Variants in NEB observed in about 807,000 individuals in gnomAD.
The protein encoded by NEB is nebulin, also known as nemaline myopathy type 2.
NEB carries 512 observed loss-of-function variants against 952.2 expected under a neutral mutation model. That is an observed-to-expected ratio of 0.54 (90% CI 0.50 to 0.58). The LOEUF (loss-of-function observed/expected upper bound fraction) is 0.58, where lower values mean the gene tolerates loss of function less well. Ranked by LOEUF, NEB falls within the 20% of genes least tolerant of loss-of-function variation. The pLI is 0.00. For synonymous variants in NEB, 2,900 were observed against 3,149.8 expected, an observed-to-expected ratio of 0.92 and a Z score of 2.66; for missense variants, 8,428 against 9,231.1, an observed-to-expected ratio of 0.91 and a Z score of 3.56.
At chr2:151,680,668 G>A in intron 30 of NEB, 62 bp downstream of exon 30, 2 of 1,222,602 alleles carry the variant, frequency 1.6e-6, no homozygotes, top group South Asian at 1.3e-5. Flanking sequence ...CAGTACATTT[G>A]AAATACAAAT....
Position 151,665,177 on chromosome 2 carries a change from G to A in NEB, c.5238+156C>T, listed in dbSNP as rs149194258. ...CTGAGGGGTCACTATGAAAGAGAACGCTCTAAACATAATGGAAGCAATAGA... is the reference window on the plus strand; with the variant it reads ...CTGAGGGGTCACTATGAAAGAGAACACTCTAAACATAATGGAAGCAATAGA... On this transcript the variant is annotated intron_variant, in intron 42 of 181. Transcript: ENST00000397345. Among the ~76,000 whole-genome samples the A allele has an allele frequency of 1.1e-4, 17 of 152,112 alleles. No homozygotes were observed. The East Asian group carries it at 2.1e-3, about 19-fold the overall frequency.
chr2:151,560,776 G>A lies in NEB; in HGVS notation c.19207-77C>T. ...CTTCTGAGTAGCAGGTTTTCCTTCTGTGTCTGTCCTTCTCACACACTCCCT... is the reference window on the plus strand; with the variant it reads ...CTTCTGAGTAGCAGGTTTTCCTTCTATGTCTGTCCTTCTCACACACTCCCT... On this transcript the variant is annotated intron_variant, in intron 123 of 181. Coordinates refer to ENST00000397345, the MANE Select transcript of NEB (RefSeq NM_001164508.2). 4.4e-6 allele frequency: 5 copies of A among 1,138,548 alleles called. No individual in the cohort carries two copies. The South Asian group carries it at 7.1e-5, about 16-fold the overall frequency. 70.5% of individuals were successfully genotyped at this position (1,138,548 alleles called of 1,614,324 possible).
chr2:151,529,680 G>A (rs374534499), intron 145 of NEB, among the ~76,000 whole-genome samples: 7 of 152,110 alleles, frequency 4.6e-5, no homozygotes, highest in African/African-American at 7.2e-5. Flanking sequence ...ACAGGCATGC[G>A]CCACCTCACC....
intron 40 of NEB, 119 bp from the exon 41 acceptor site, chr2:151,666,520 T>A (rs547889698): frequency 1.6e-5 from 15 of 954,152 alleles, no homozygotes; most frequent in Non-Finnish European, 2.1e-5. Context: ...ACATCGAAGT[T>A]TTTTTTTGTA....
intron 173 of NEB, 70 bp downstream of exon 173, chr2:151,496,199 ATTAATAT>A: frequency 7.2e-7 from 1 of 1,383,872 alleles, no homozygotes; most frequent in Non-Finnish European, 1.0e-6. Context: ...AAAAAGTAGG[ATTAATAT>A]GTATTATTTT....
chr2:151,662,482 G>T, intron 45 of NEB, 141 bp from the exon 46 acceptor site: 3 of 641,956 alleles, frequency 4.7e-6, no homozygotes, highest in South Asian at 4.1e-5. Context: ...TTGAATATTG[G>T]TATTTAACCA....
intron 138 of NEB, among the ~76,000 whole-genome samples, chr2:151,539,478 A>G (rs2093718024): frequency 6.6e-6 from 1 of 152,126 alleles, no homozygotes. Context: ...CAATTACCTT[A>G]AGATGCCTTG....
chr2:151,533,306 G>T, intron 143 of NEB, 136 bp downstream of exon 143: 1 of 620,958 alleles, frequency 1.6e-6, no homozygotes, highest in Non-Finnish European at 2.8e-6. Flanking sequence ...CATTTACAAG[G>T]AATGAATATT....
Position 151,697,244 on chromosome 2 carries a change from G to A in NEB, c.1374C>T (p.Tyr458=), listed in dbSNP as rs1362599473. Residue 458 remains tyrosine (Y), a synonymous_variant, in exon 16 of 182, where the codon TAC becomes TAT. Transcript: ENST00000397345. Reference sequence around the variant, plus strand: ...CTCTGTCTTCTTCGTATTCTGCTTTGTAGTTTTTCTATGAGGAGAAGAAAT... The same window carrying A: ...CTCTGTCTTCTTCGTATTCTGCTTTATAGTTTTTCTATGAGGAGAAGAAAT... ...KVTAQNSDKN[Y]KAEYEEDRGK... 13 of 1,613,684 alleles carry A rather than the reference G, an allele frequency of 8.1e-6. No homozygotes were observed. The highest frequency in any genetic ancestry group is 1.1e-5 in the Non-Finnish European group (13 of 1,179,786).
At position 151,494,250 on chromosome 2, in the gene NEB, A is replaced by C; in HGVS notation, c.24490T>G (p.Leu8164Val). The C allele has an allele frequency of 1.3e-6, 2 of 1,592,650 alleles. No individual in the cohort carries two copies. The highest frequency in any genetic ancestry group is 1.7e-6 in the Non-Finnish European group (2 of 1,167,130). The change falls in exon 174 of 182, where the codon TTG (leucine) becomes GTG (valine). Residue 8164 changes from leucine to valine, a missense_variant. Physicochemically the swap from Leu to Val is conservative, Grantham distance 32. This residue lies in a region of NEB where 3,374 missense variants were observed against 3,651.5 expected (regional missense o/e 0.92). Transcript: ENST00000397345. The stretch of plus-strand genomic sequence containing the variant: ...GCTTTCCCCACATTTTCTTTGTACA[A>C]AACCTATGGGAATCCAATGGGTCCA... ...KHNQENISSV[L>V]YKENVGKATA...
chr2:151,497,259 G>A, intron 171 of NEB: 1 of 894,880 alleles, frequency 1.1e-6, no homozygotes, highest in South Asian at 5.1e-5. Context: ...GCTGGGGAAA[G>A]GCTGTCAGAG....
rs375992994 is a variant in NEB, at chr2:151,641,862, G to A, written c.8373+712C>T. Among the ~76,000 whole-genome samples the A allele has an allele frequency of 5.9e-5, 9 of 152,082 alleles. No individual in the cohort carries two copies. In the South Asian group the frequency reaches 1.2e-3, roughly 21 times the overall value. On this transcript the variant is annotated intron_variant, in intron 60 of 181. Coordinates refer to ENST00000397345, the MANE Select transcript of NEB (RefSeq NM_001164508.2). ...AAGTTCTAGGGTACATGTGCACAAC[G>A]TGCAGGTTTGTTACATATGTATATA...
At chr2:151,499,150 C>A in intron 169 of NEB, 148 bp downstream of exon 169, 1 of 483,926 alleles carries the variant, frequency 2.1e-6, no homozygotes, top group Non-Finnish European at 3.7e-6. Context: ...ATGGGGAAAA[C>A]TGATTCATAG....
At chr2:151,537,326 C>A in intron 140 of NEB, 90 bp from the exon 141 acceptor site, 1 of 733,344 alleles carries the variant, frequency 1.4e-6, no homozygotes, top group African/African-American at 1.8e-5. Flanking sequence ...AACAGAAGCA[C>A]TACCCCTTGA....
intron 65 of NEB, among the ~76,000 whole-genome samples, chr2:151,632,696 A>G (rs1574486517): frequency 6.6e-6 from 1 of 151,614 alleles, no homozygotes; most frequent in East Asian, 1.9e-4. Flanking sequence ...AAAAAAAAAA[A>G]GAATGAAAAC....
rs187522643 is a variant in NEB, at chr2:151,525,108, T to G, written c.22272+55A>C. On this transcript the variant is annotated intron_variant, in intron 151 of 181. Coordinates refer to ENST00000397345, the MANE Select transcript of NEB (RefSeq NM_001164508.2). ...ACACTGGAACAAGAGAATGCACCAA[T>G]CTGGGTTCCACTGCTTCAAATGGGC... is the stretch of plus-strand genomic sequence containing the variant. 3.4e-3 allele frequency: 4,180 copies of G among 1,222,744 alleles called. 25 individuals are homozygous for G. The highest frequency in any genetic ancestry group is 0.012 in the South Asian group (990 of 82,414). 75.7% of individuals were successfully genotyped at this position (1,222,744 alleles called of 1,614,324 possible).
At chr2:151,520,476 A>C (rs2081173269) in intron 153 of NEB, among the ~76,000 whole-genome samples, 1 of 152,242 alleles carries the variant, frequency 6.6e-6, no homozygotes. Flanking sequence ...CCAATTTAAA[A>C]AATAAGCACA....
rs1342629658 is a variant in NEB at position 151,671,244 on chromosome 2, G to C, written c.4300-15C>G. The stretch of plus-strand genomic sequence containing the variant: ...TTATACACATTCTGTAAAAGGGTAA[G>C]CTAATATGAGAAGATACCCTGGAGA... On this transcript the variant is annotated splice_polypyrimidine_tract_variant and intron_variant, in intron 37 of 181. Transcript: ENST00000397345. The C allele has an allele frequency of 1.3e-6, 2 of 1,590,636 alleles. No homozygotes were observed. Among genetic ancestry groups the C allele is most frequent in the Non-Finnish European group, 1.7e-6 (2 of 1,160,256 alleles).
chr2:151,722,803 C>T (rs1249121927), intron 9 of NEB, among the ~76,000 whole-genome samples: 1 of 152,162 alleles, frequency 6.6e-6, no homozygotes, highest in Non-Finnish European at 1.5e-5. Context: ...CCCCTCTTGG[C>T]CTCCCAAACT....
Sources: gnomAD v4.1 joint callset for allele counts (sites outside exome capture counted in the v4.1 genomes callset) on GRCh38, gnomAD v4.1.1 for gene constraint, gnomAD v4.1.1 regional missense constraint, MANE v1.5 for transcripts, NCBI Gene and HGNC (gene_info 2026-07-23, HGNC 2026-07-21) for gene names.